Variants in FXR1 observed in about 807,000 individuals in gnomAD.
The protein encoded by FXR1 is RNA-binding protein FXR1.
Under a neutral mutation model 84.0 loss-of-function variants are expected in FXR1, and 15 were observed. The ratio of observed to expected loss-of-function variants is 0.18; its 90% confidence interval spans 0.12 to 0.27. FXR1 has a LOEUF of 0.27. Among genes scored for constraint, FXR1 ranks in the 10% least tolerant of loss-of-function variants. The probability of loss-of-function intolerance (pLI) is 1.00; values close to 1 mark genes in which losing one functional copy is unlikely to be tolerated. For synonymous variants in FXR1, 245 were observed against 250.7 expected (o/e 0.98, Z 0.21); for missense variants, 480 against 774.4 (o/e 0.62, Z 4.51).
intron 15 of FXR1, among the ~76,000 whole-genome samples, chr3:180,973,283 A>G (rs1280794613): frequency 6.6e-6 from 1 of 152,222 alleles, no homozygotes; most frequent in African/African-American, 2.4e-5. Context: ...TTAGTTGATA[A>G]CTATATCAAA....
intron 9 of FXR1, 135 bp downstream of exon 9, chr3:180,953,975 T>G: frequency 1.8e-6 from 1 of 568,136 alleles, no homozygotes; most frequent in East Asian, 3.0e-5. Context: ...TAGCAATACT[T>G]CTTTTCTTTT....
chr3:180,932,086 A>AAAAAAAAAC (rs1337496204), intron 1 of FXR1, among the ~76,000 whole-genome samples: 1 of 150,494 alleles, frequency 6.6e-6, no homozygotes, highest in Admixed American at 6.6e-5. Flanking sequence ...AAAAAAAAAA[A>AAAAAAAAAC]AAAACAACTT....
rs556387380 is a variant in FXR1, at chr3:180,956,671, G to A, written c.881-1148G>A. Among the ~76,000 whole-genome samples, 12 of 152,086 alleles carry A rather than the reference G, an allele frequency of 7.9e-5. No homozygotes were observed. The South Asian group carries it at 2.5e-3, about 32-fold the overall frequency. On this transcript the variant is annotated intron_variant, in intron 9 of 16. Transcript: ENST00000357559. ...CTAGGGCTGCTCAGAGAAGATACAC[G>A]TCATGTGAATTCCCTGCCCTACTTT...
At position 180,968,200 on chromosome 3, in the gene FXR1, T is replaced by C. The variant is rs761875448; in HGVS notation, c.1348T>C (p.Ser450Pro). ...CCCAGGAGGAAGAGGCAGAAGTGTT[T>C]CAGGGGGTCGAGGTCGTGGTGGACC... The part of the protein sequence containing the change: ...RRPGGRGRSV[S>P]GGRGRGGPRG... Residue 450 changes from serine (S) to proline (P), a missense_variant, in exon 14 of 17, where the codon TCA (serine) becomes CCA (proline). This residue lies in a region of FXR1 where 157 missense variants were observed against 227.8 expected (regional missense o/e 0.69). Coordinates refer to ENST00000357559, the MANE Select transcript of FXR1 (RefSeq NM_005087.4). 3 of 1,614,026 alleles carry C rather than the reference T, an allele frequency of 1.9e-6. No homozygotes were observed. Among genetic ancestry groups the C allele is most frequent in the Non-Finnish European group, 1.7e-6 (2 of 1,179,876 alleles).
chr3:180,913,883 A>G (rs1023958288), intron 1 of FXR1, among the ~76,000 whole-genome samples: 4 of 152,220 alleles, frequency 2.6e-5, no homozygotes, highest in African/African-American at 4.8e-5. Context: ...GAATTCTCAC[A>G]GGTTTTCATT....
intron 1 of FXR1, among the ~76,000 whole-genome samples, chr3:180,918,427 T>C (rs574546556): frequency 3.9e-5 from 6 of 152,262 alleles, no homozygotes; most frequent in African/African-American, 1.4e-4. Flanking sequence ...CATGAACCAC[T>C]GAGTCTGGCC....
chr3:180,961,423 T>C, intron 10 of FXR1, 45 bp from the exon 11 acceptor site: 1 of 985,794 alleles, frequency 1.0e-6, no homozygotes. Flanking sequence ...GCTAGAACTT[T>C]GTTAAAATAT....
chr3:180,951,755 G>C (rs999118293), intron 8 of FXR1, among the ~76,000 whole-genome samples: 13 of 151,516 alleles, frequency 8.6e-5, no homozygotes, highest in Admixed American at 7.9e-4. Flanking sequence ...ATAATCTATC[G>C]AAGTATTTTT....
intron 10 of FXR1, 73 bp downstream of exon 10, chr3:180,958,001 T>G: frequency 1.5e-6 from 1 of 661,584 alleles, no homozygotes; most frequent in South Asian, 2.0e-5. Context: ...GTAAACATTT[T>G]GTCTGTTTTA....
rs1447193035 is a variant in FXR1, at chr3:180,934,406, TTAGAG to T, written c.105-728_105-724del. 3.3e-5 allele frequency among the ~76,000 whole-genome samples: 5 copies of T among 152,276 alleles called. No individual in the cohort carries two copies. The East Asian group carries it at 9.7e-4, about 29-fold the overall frequency. On this transcript the variant is annotated intron_variant, in intron 2 of 16. Coordinates refer to ENST00000357559, the MANE Select transcript of FXR1 (RefSeq NM_005087.4). ...AGACATATAAATGACCTATGAGAAA[TTAGAG>T]TAGGGAATAATTTTTTACTTTATAA...
chr3:180,963,057 G>A lies in FXR1; in HGVS notation c.1165G>A (p.Gly389Ser). ...TAGGTCTTATAGCGGAAGAGGCAGA[G>A]GTCGTCGGGGACCTAATTACACCTC... is the stretch of plus-strand genomic sequence containing the variant. ...GSRSYSGRGR[G>S]RRGPNYTSGY... The change falls in exon 13 of 17, where the codon GGT becomes AGT. Residue 389 changes from glycine to serine, a missense_variant. Gly to Ser is a moderately conservative substitution (Grantham distance 56, BLOSUM62 0). Coordinates refer to ENST00000357559, the MANE Select transcript of FXR1 (RefSeq NM_005087.4). 6.2e-7 allele frequency: 1 copy of A among 1,600,618 alleles called. No individual in the cohort carries two copies. Among genetic ancestry groups the A allele is most frequent in the Non-Finnish European group, 8.6e-7 (1 of 1,168,580 alleles).
intron 1 of FXR1, 33 bp from the exon 2 acceptor site, chr3:180,933,301 T>C (rs1034464908): frequency 2.3e-6 from 3 of 1,299,508 alleles, no homozygotes; most frequent in Middle Eastern, 1.9e-4. Flanking sequence ...TGCTTTAATA[T>C]CTATGCTTTT....
In FXR1 at chr3:180,968,179, G is replaced by C; in HGVS notation, c.1327G>C (p.Gly443Arg). ...RHQRDSRRRP[G>R]GRGRSVSGGR... ...TCAGCGTGACAGCAGGAGACGCCCA[G>C]GAGGAAGAGGCAGAAGTGTTTCAGG... Residue 443 changes from glycine (G) to arginine (R), a missense_variant, in exon 14 of 17, where the codon GGA (glycine) becomes CGA (arginine). Gly to Arg is a moderately radical substitution (Grantham distance 125). Around this residue, in one of 6 missense-constraint regions of FXR1, gnomAD observed 157 missense variants for 227.8 expected, o/e 0.69. Transcript: ENST00000357559. The C allele has an allele frequency of 6.2e-7, 1 of 1,614,020 alleles. No homozygotes were observed. The highest frequency in any genetic ancestry group is 1.7e-4 in the Middle Eastern group (1 of 6,060).
At chr3:180,942,737 C>T (rs551173568) in intron 3 of FXR1, among the ~76,000 whole-genome samples, 1 of 152,084 alleles carries the variant, frequency 6.6e-6, no homozygotes, top group South Asian at 2.1e-4. Context: ...TGAATTGTTC[C>T]TGCGAAATAG....
At chr3:180,954,439 G>C (rs1722536898) in intron 9 of FXR1, among the ~76,000 whole-genome samples, 1 of 152,188 alleles carries the variant, frequency 6.6e-6, no homozygotes, top group African/African-American at 2.4e-5. Context: ...TTATAGTTAA[G>C]TGACAAGAAT....
rs777510086 is a variant in FXR1, at chr3:180,968,129, GAGA to G, written c.1281_1283del (p.Glu427del). On this transcript the variant is annotated inframe_deletion, in exon 14 of 17. Coordinates refer to ENST00000357559, the MANE Select transcript of FXR1 (RefSeq NM_005087.4). The stretch of plus-strand genomic sequence containing the variant: ...GAGCTGAGTGATTGGTCATTGGCAG[GAGA>G]AGATGATCGAGACAGCCGACATCAG... The G allele has an allele frequency of 1.1e-5, 18 of 1,613,496 alleles. No individual in the cohort carries two copies. The East Asian group carries it at 1.8e-4, about 16-fold the overall frequency.
chr3:180,935,117 A>G, intron 2 of FXR1, 21 bp from the exon 3 acceptor site: 1 of 1,200,884 alleles, frequency 8.3e-7, no homozygotes, highest in East Asian at 2.3e-5. Context: ...AGTTGTTAAT[A>G]CACCTTTTCT....
intron 1 of FXR1, among the ~76,000 whole-genome samples, chr3:180,913,592 G>A (rs1250792921): frequency 6.6e-6 from 1 of 152,098 alleles, no homozygotes; most frequent in African/African-American, 2.4e-5. Context: ...ATGGAATCGG[G>A]GCTGAAAAAC....
chr3:180,923,388 A>G (rs1390081966), intron 1 of FXR1, among the ~76,000 whole-genome samples: 2 of 152,178 alleles, frequency 1.3e-5, no homozygotes, highest in African/African-American at 2.4e-5. Flanking sequence ...AAATAAGGCC[A>G]GTTAGGGATC....
Sources: allele counts gnomAD v4.1 joint callset (sites outside exome capture counted in the v4.1 genomes callset), GRCh38; gene constraint gnomAD v4.1.1; regional missense constraint gnomAD v4.1.1; transcripts MANE v1.5; gene names NCBI Gene and HGNC (gene_info 2026-07-23, HGNC 2026-07-21).